Variants in SLC24A3 observed in about 807,000 individuals in gnomAD.
SLC24A3 encodes sodium/potassium/calcium exchanger 3.
Under a neutral mutation model 75.8 loss-of-function variants are expected in SLC24A3, and 28 were observed. The observed-to-expected ratio is 0.37, with a 90% CI of 0.27 to 0.51. The LOEUF (loss-of-function observed/expected upper bound fraction) is 0.51. SLC24A3 is among the 20% of genes least tolerant of loss of function. SLC24A3 has a pLI of 0.94. For missense variants in SLC24A3, 663 were observed against 847.8 expected (o/e 0.78, Z 2.71); for synonymous variants, 372 against 334.1 (o/e 1.11, Z -1.24).
chr20:19,340,917 G>T (rs1372462667), intron 2 of SLC24A3, among the ~76,000 whole-genome samples: 3 of 152,134 alleles, frequency 2.0e-5, no homozygotes, highest in Non-Finnish European at 4.4e-5. Flanking sequence ...GGTCTCATTG[G>T]GCCCCTTTTG....
At chr20:19,280,855 G>A (rs888369188) in intron 1 of SLC24A3, 104 bp from the exon 2 acceptor site, 11 of 1,475,804 alleles carry the variant, frequency 7.5e-6, no homozygotes, top group African/African-American at 1.4e-5. Context: ...GGGTGCAGGC[G>A]GGGCTGAACA....
At chr20:19,236,475 G>A (rs1267170530) in intron 1 of SLC24A3, among the ~76,000 whole-genome samples, 1 of 152,212 alleles carries the variant, frequency 6.6e-6, no homozygotes, top group Non-Finnish European at 1.5e-5. Context: ...AAGCAGGCTT[G>A]TCATGGTGGC....
At chr20:19,520,376 T>C (rs529307388) in intron 3 of SLC24A3, among the ~76,000 whole-genome samples, 2 of 152,258 alleles carry the variant, frequency 1.3e-5, no homozygotes, top group East Asian at 3.9e-4. Context: ...CCTCCTCAGG[T>C]TGATCAGAGC....
chr20:19,272,345 G>A (rs973953898), intron 1 of SLC24A3, among the ~76,000 whole-genome samples: 1 of 152,256 alleles, frequency 6.6e-6, no homozygotes, highest in African/African-American at 2.4e-5. Context: ...AGATCAAGCT[G>A]TGCACTGTGC....
At chr20:19,314,277 ATTTATTTTAT>A (rs11474596) in intron 2 of SLC24A3, among the ~76,000 whole-genome samples, 6,368 of 126,420 alleles carry the variant, frequency 0.05, 181 homozygotes, top group Admixed American at 0.061. Flanking sequence ...GTTTTTATTT[ATTTATTTTAT>A]TTTATTTTAT....
intron 15 of SLC24A3, among the ~76,000 whole-genome samples, chr20:19,700,445 C>T (rs2032857155): frequency 6.6e-6 from 1 of 152,074 alleles, no homozygotes; most frequent in Admixed American, 6.5e-5. Flanking sequence ...TGTTCCCATC[C>T]CACTGTCCAC....
intron 6 of SLC24A3, among the ~76,000 whole-genome samples, chr20:19,598,849 C>A (rs1055340320): frequency 2.6e-5 from 4 of 151,972 alleles, no homozygotes; most frequent in African/African-American, 4.8e-5. Flanking sequence ...CTCCCCATAG[C>A]ATCTTTGTGC....
intron 2 of SLC24A3, among the ~76,000 whole-genome samples, chr20:19,480,834 A>G (rs1020670349): frequency 1.3e-5 from 2 of 152,168 alleles, no homozygotes; most frequent in African/African-American, 2.4e-5. Context: ...ACTGATCCTT[A>G]CTGGTTTTAT....
chr20:19,526,563 T>C (rs1337811043), intron 3 of SLC24A3, among the ~76,000 whole-genome samples: 1 of 152,158 alleles, frequency 6.6e-6, no homozygotes, highest in African/African-American at 2.4e-5. Flanking sequence ...TCTCTTCCGA[T>C]CAAAATTTAG....
chr20:19,721,926 A>C lies in SLC24A3; in HGVS notation c.*786A>C, dbSNP rs1187653925. 1 of 152,722 alleles carries C rather than the reference A, an allele frequency of 6.5e-6. No homozygotes were observed. Among genetic ancestry groups the C allele is most frequent in the Non-Finnish European group, 1.5e-5 (1 of 68,120 alleles). 9.5% of individuals were successfully genotyped at this position (152,722 alleles called of 1,614,324 possible). The stretch of plus-strand genomic sequence containing the variant: ...GGGGGCACAAGGTTTTGGAGGAAGA[A>C]GACAACTTCCCTCATTCCATCATCA... On this transcript the variant is annotated 3_prime_UTR_variant, in exon 17 of 17. Coordinates refer to ENST00000328041, the MANE Select transcript of SLC24A3 (RefSeq NM_020689.4).
chr20:19,429,952 A>G (rs1201102895), intron 2 of SLC24A3, among the ~76,000 whole-genome samples: 1 of 152,026 alleles, frequency 6.6e-6, no homozygotes, highest in Non-Finnish European at 1.5e-5. Context: ...AAAAAAGAGG[A>G]GGGCCTGGGC....
intron 2 of SLC24A3, among the ~76,000 whole-genome samples, chr20:19,366,629 A>T (rs1478739494): frequency 6.6e-6 from 1 of 152,126 alleles, no homozygotes; most frequent in Admixed American, 6.5e-5. Context: ...ATCTCCCTTC[A>T]TGGGACCCTT....
intron 2 of SLC24A3, among the ~76,000 whole-genome samples, chr20:19,317,752 G>C (rs1212290326): frequency 6.6e-6 from 1 of 152,194 alleles, no homozygotes; most frequent in Admixed American, 6.5e-5. Context: ...TTGCTTGTCT[G>C]GGTGGATAAG....
At chr20:19,331,642 G>GCCCCCTTT (rs1249504336) in intron 2 of SLC24A3, among the ~76,000 whole-genome samples, 1 of 152,040 alleles carries the variant, frequency 6.6e-6, no homozygotes, top group Non-Finnish European at 1.5e-5. Context: ...AATAAATCAG[G>GCCCCCTTT]CCCCCTTTTT....
rs192981609 is a variant in SLC24A3, at chr20:19,462,857, A to C, written c.272-52631A>C. On this transcript the variant is annotated intron_variant, in intron 2 of 16. Transcript: ENST00000328041. ...TCCCTAGCAATGCTTTTCCACTTAGAAAAGGTGGGGCTGGACTATCTATCC... is the reference window on the plus strand; with the variant it reads ...TCCCTAGCAATGCTTTTCCACTTAGCAAAGGTGGGGCTGGACTATCTATCC... Among the ~76,000 whole-genome samples the C allele has an allele frequency of 1.3e-3, 203 of 152,304 alleles. 2 individuals carry two copies. The highest frequency in any genetic ancestry group is 4.7e-3 in the African/African-American group (196 of 41,574).
At chr20:19,486,547 G>T (rs925009178) in intron 2 of SLC24A3, among the ~76,000 whole-genome samples, 1 of 152,170 alleles carries the variant, frequency 6.6e-6, no homozygotes, top group Non-Finnish European at 1.5e-5. Context: ...TCAGGTTTGG[G>T]GGCCATGGCC....
chr20:19,423,587 C>T (rs1369303633), intron 2 of SLC24A3, among the ~76,000 whole-genome samples: 4 of 152,102 alleles, frequency 2.6e-5, no homozygotes, highest in Non-Finnish European at 5.9e-5. Flanking sequence ...AGGCACCGAA[C>T]TTATTGGTTT....
chr20:19,635,615 A>C (rs1469805791), intron 6 of SLC24A3, among the ~76,000 whole-genome samples: 1 of 152,220 alleles, frequency 6.6e-6, no homozygotes, highest in Non-Finnish European at 1.5e-5. Context: ...ATACTGGAAT[A>C]GCTGGAGGTG....
intron 7 of SLC24A3, among the ~76,000 whole-genome samples, chr20:19,658,606 C>A (rs371867323): frequency 6.6e-6 from 1 of 152,178 alleles, no homozygotes; most frequent in African/African-American, 2.4e-5. Context: ...TCCCCAGCCC[C>A]AGTCAACTTT....
Sources: gnomAD v4.1 joint callset for allele counts (sites outside exome capture counted in the v4.1 genomes callset) on GRCh38, gnomAD v4.1.1 for gene constraint, MANE v1.5 for transcripts, NCBI Gene and HGNC (gene_info 2026-07-23, HGNC 2026-07-21) for gene names.